The following ZNF610 variants were observed in gnomAD, a reference collection of about 807,000 sequenced individuals.
The protein encoded by ZNF610 is zinc finger protein 610, also known as zink finger protein.
Under a neutral mutation model 14.1 loss-of-function variants are expected in ZNF610, and 14 were observed. That is an observed-to-expected ratio of 0.99 (90% CI 0.65 to 1.55). ZNF610 has a LOEUF of 1.55. Among genes scored for constraint, ZNF610 ranks in the 40% most tolerant of loss-of-function variants. ZNF610 has a pLI of 0.00. For missense variants in ZNF610, 530 were observed against 558.0 expected (o/e 0.95, Z 0.51); for synonymous variants, 185 against 187.6 (o/e 0.99, Z 0.11).
chr19:52,355,681 C>T (rs770690695), intron 5 of ZNF610, among the ~76,000 whole-genome samples: 1 of 152,242 alleles, frequency 6.6e-6, no homozygotes, highest in Non-Finnish European at 1.5e-5. Flanking sequence ...CAGCTGTAAG[C>T]TGGGTTCCCT....
chr19:52,335,630 A>G (rs563041216), upstream of ZNF610, among the ~76,000 whole-genome samples: 1 of 152,162 alleles, frequency 6.6e-6, no homozygotes, highest in South Asian at 2.1e-4. Flanking sequence ...AGAACGTGAA[A>G]ACACTAGACG....
intron 5 of ZNF610, among the ~76,000 whole-genome samples, chr19:52,356,408 A>C (rs1180382888): frequency 2.6e-5 from 4 of 152,166 alleles, no homozygotes; most frequent in African/African-American, 9.7e-5. Context: ...TGTTACTTTC[A>C]TCTTGTACCT....
At chr19:52,340,752 C>T (rs1984651266) in intron 1 of ZNF610, among the ~76,000 whole-genome samples, 1 of 152,240 alleles carries the variant, frequency 6.6e-6, no homozygotes. Context: ...GCAATCTCCA[C>T]TCACTACAAC....
rs1435498209 is a variant in ZNF610, at chr19:52,367,082, A to G, written c.*315A>G. ...TAACTCTTTGATTTAGAATGTACAT[A>G]CTTCTCATGTTTTAAGTAATAAAGT... On this transcript the variant is annotated 3_prime_UTR_variant, in exon 6 of 6. Transcript: ENST00000403906. 1 of 309,518 alleles carries G rather than the reference A, an allele frequency of 3.2e-6. No individual in the cohort carries two copies. Among genetic ancestry groups the G allele is most frequent in the Non-Finnish European group, 5.8e-6 (1 of 171,158 alleles). 19.2% of individuals were successfully genotyped at this position (309,518 alleles called of 1,614,324 possible).
upstream of ZNF610, among the ~76,000 whole-genome samples, chr19:52,335,295 T>C (rs1012740191): frequency 2.6e-5 from 4 of 151,858 alleles, no homozygotes; most frequent in African/African-American, 4.8e-5. Context: ...AAAAAAGCAG[T>C]TGGTGGTGGC....
rs1026868385 is a variant in ZNF610, at chr19:52,367,486, A to G, written c.*719A>G. The G allele has an allele frequency of 1.3e-5, 2 of 152,192 alleles. No homozygotes were observed. The highest frequency in any genetic ancestry group is 4.8e-5 in the African/African-American group (2 of 41,428). The allele number at this position is 152,192 out of a possible 1,614,324, so 9.4% of individuals were successfully genotyped here. A position where few individuals can be genotyped will look rare whatever the true frequency, so the allele number is the denominator to read the frequency against. On this transcript the variant is annotated 3_prime_UTR_variant, in exon 6 of 6. Transcript: ENST00000403906. ...CTTTCTACCAGCGTTGTTTAATCTT[A>G]CCTCAGGAGGATACTTTATAGTAGA... is the stretch of plus-strand genomic sequence containing the variant.
At chr19:52,333,365 G>A (rs1384821768), upstream of ZNF610, among the ~76,000 whole-genome samples, 1 of 152,166 alleles carries the variant, frequency 6.6e-6, no homozygotes, top group Non-Finnish European at 1.5e-5. Flanking sequence ...CATCCCCCTG[G>A]CAAAGGAGGG....
At chr19:52,358,158 A>G (rs532966788) in intron 5 of ZNF610, among the ~76,000 whole-genome samples, 2 of 152,164 alleles carry the variant, frequency 1.3e-5, no homozygotes, top group East Asian at 1.9e-4. Context: ...AGAAATTTCC[A>G]TATTTTTTTA....
intron 5 of ZNF610, among the ~76,000 whole-genome samples, chr19:52,361,706 C>T (rs1271018141): frequency 3.3e-5 from 5 of 151,908 alleles, no homozygotes; most frequent in South Asian, 2.1e-4. Context: ...GTGATCCTCC[C>T]GCCTTGCCCT....
the ZNF610 span, chr19:52,330,468 A>G: frequency 1.3e-5 from 2 of 152,348 alleles, no homozygotes; most frequent in East Asian, 3.9e-4. Flanking sequence ...AACCACAGTT[A>G]TTAGTTTACC....
chr19:52,366,598 A>T lies in ZNF610; in HGVS notation c.1220A>T (p.Lys407Ile). 1 of 1,614,226 alleles carries T rather than the reference A, an allele frequency of 6.2e-7. No homozygotes were observed. The highest frequency in any genetic ancestry group is 8.5e-7 in the Non-Finnish European group (1 of 1,180,038). The stretch of plus-strand genomic sequence containing the variant: ...CCTTACAAATGTAATGAATGTGACA[A>T]AGTCTTTGGGCGCAAATTATACCTA... ...EKPYKCNECD[K>I]VFGRKLYLTN... The change falls in exon 6 of 6, where the codon AAA (lysine) becomes ATA (isoleucine). Residue 407 changes from lysine (K) to isoleucine (I), a missense_variant. Coordinates refer to ENST00000403906, the MANE Select transcript of ZNF610 (RefSeq NM_001161425.2).
At chr19:52,358,956 A>G (rs1248083381) in intron 5 of ZNF610, among the ~76,000 whole-genome samples, 3 of 152,128 alleles carry the variant, frequency 2.0e-5, no homozygotes, top group Non-Finnish European at 4.4e-5. Context: ...CATTTGACCA[A>G]ATATTTGAGG....
chr19:52,354,413 G>C, intron 5 of ZNF610, 34 bp downstream of exon 5: 1 of 1,597,100 alleles, frequency 6.3e-7, no homozygotes. Flanking sequence ...GGAGGCCATA[G>C]TTTTTATTTT....
chr19:52,353,520 A>G (rs973886210), intron 3 of ZNF610, among the ~76,000 whole-genome samples, 162 bp from the exon 4 acceptor site: 13 of 152,158 alleles, frequency 8.5e-5, no homozygotes, highest in African/African-American at 3.1e-4. Context: ...AAAATACTAC[A>G]TATTTTTGAA....
intron 1 of ZNF610, among the ~76,000 whole-genome samples, chr19:52,346,795 T>C (rs1025552897): frequency 3.9e-5 from 6 of 151,982 alleles, no homozygotes; most frequent in Non-Finnish European, 7.4e-5. Context: ...AGTGGTGCGG[T>C]CTCGGCTCAC....
At chr19:52,333,247 C>A (rs1268625521), upstream of ZNF610, among the ~76,000 whole-genome samples, 1 of 152,192 alleles carries the variant, frequency 6.6e-6, no homozygotes, top group African/African-American at 2.4e-5. Flanking sequence ...AGAAAAAACG[C>A]ATTAGAAGCC....
chr19:52,337,161 G>A (rs557191119), intron 1 of ZNF610, among the ~76,000 whole-genome samples: 2 of 151,358 alleles, frequency 1.3e-5, no homozygotes, highest in East Asian at 4.0e-4. Context: ...GGGGCAGAAA[G>A]GGGGAGGCTC....
intron 5 of ZNF610, among the ~76,000 whole-genome samples, chr19:52,361,996 A>G (rs35017258): frequency 6.6e-6 from 1 of 151,954 alleles, no homozygotes; most frequent in African/African-American, 2.4e-5. Flanking sequence ...TCATAGCTCA[A>G]TTCAACCACA....
Position 52,349,242 on chromosome 19 carries a change from T to G in ZNF610, c.63+7T>G, listed in dbSNP as rs1364789916. ...AGGGATGGCTCTTCCTCAGGTAAAG[T>G]GATATTCTCGGTGGTTGGTTCTCTC... On this transcript the variant is annotated splice_region_variant and intron_variant, in intron 3 of 5. Coordinates refer to ENST00000403906, the MANE Select transcript of ZNF610 (RefSeq NM_001161425.2). The G allele has an allele frequency of 6.2e-7, 1 of 1,612,414 alleles. No homozygotes were observed. The highest frequency in any genetic ancestry group is 1.3e-5 in the African/African-American group (1 of 74,848).
Sources: gnomAD v4.1 joint callset for allele counts (sites outside exome capture counted in the v4.1 genomes callset) on GRCh38, gnomAD v4.1.1 for gene constraint, MANE v1.5 for transcripts, NCBI Gene and HGNC (gene_info 2026-07-23, HGNC 2026-07-21) for gene names.